Variants in GRIK1 observed in about 807,000 individuals in gnomAD.
GRIK1 encodes glutamate receptor ionotropic, kainate 1.
A neutral mutation model predicts 105.7 loss-of-function variants in GRIK1; 69 were observed. The observed-to-expected ratio is 0.65, with a 90% CI of 0.54 to 0.80. The LOEUF (loss-of-function observed/expected upper bound fraction) is 0.80. Ranked by LOEUF, GRIK1 falls within the 30% of genes least tolerant of loss-of-function variation. The probability of loss-of-function intolerance (pLI) is 0.00; values close to 1 mark genes in which losing one functional copy is unlikely to be tolerated. For synonymous variants in GRIK1, 438 were observed against 431.3 expected (o/e 1.02, Z -0.19); for missense variants, 1,109 against 1,167.3 (o/e 0.95, Z 0.73).
At chr21:29,579,613 G>C (rs895293135) in intron 13 of GRIK1, among the ~76,000 whole-genome samples, 6 of 152,122 alleles carry the variant, frequency 3.9e-5, no homozygotes, top group African/African-American at 1.4e-4. Context: ...AGCAACAGAG[G>C]ATAACTACCT....
intron 7 of GRIK1, among the ~76,000 whole-genome samples, chr21:29,628,984 A>G (rs1002312260): frequency 6.6e-6 from 1 of 152,238 alleles, no homozygotes; most frequent in African/African-American, 2.4e-5. Flanking sequence ...ATATTTATTT[A>G]TTTAGTCACC....
chr21:29,714,172 C>G (rs780309540), intron 1 of GRIK1, among the ~76,000 whole-genome samples: 2 of 151,684 alleles, frequency 1.3e-5, no homozygotes, highest in Non-Finnish European at 2.9e-5. Context: ...AATTTTTGCT[C>G]TATTATATTT....
At chr21:29,566,778 C>A (rs2090620714) in intron 14 of GRIK1, among the ~76,000 whole-genome samples, 1 of 152,114 alleles carries the variant, frequency 6.6e-6, no homozygotes, top group Admixed American at 6.5e-5. Context: ...ATTATTATTT[C>A]TCTTTTATAG....
At chr21:29,795,677 C>T (rs1157224740) in intron 1 of GRIK1, among the ~76,000 whole-genome samples, 1 of 152,210 alleles carries the variant, frequency 6.6e-6, no homozygotes, top group Non-Finnish European at 1.5e-5. Context: ...CCCGAATACT[C>T]TTTATCCATG....
rs139016504 is a variant in GRIK1, at chr21:29,650,042, T to C, written c.954+1076A>G. Among the ~76,000 whole-genome samples the C allele has an allele frequency of 2.2e-3, 336 of 152,330 alleles. 2 individuals carry two copies. The highest frequency in any genetic ancestry group is 7.6e-3 in the African/African-American group (314 of 41,560). Reference sequence around the variant, plus strand: ...CTCTACTTGCTCCTATTCAAAGAAATGTTTCAAATCATCCCAGGGCTCATT... The same window carrying C: ...CTCTACTTGCTCCTATTCAAAGAAACGTTTCAAATCATCCCAGGGCTCATT... On this transcript the variant is annotated intron_variant, in intron 6 of 17. Transcript: ENST00000327783.
In GRIK1 at chr21:29,939,733, C is replaced by T. The variant is rs940646686; in HGVS notation, c.-233G>A. The stretch of plus-strand genomic sequence containing the variant: ...CTGTCGCTAGCCCATCACGGCTCCT[C>T]CTCCTCCTCTTCCATGGGCCGCAGA... On this transcript the variant is annotated 5_prime_UTR_variant, in exon 1 of 18. Transcript: ENST00000327783. The T allele has an allele frequency of 2.5e-6, 1 of 400,610 alleles. No homozygotes were observed. The highest frequency in any genetic ancestry group is 4.4e-6 in the Non-Finnish European group (1 of 226,526). 24.8% of individuals were successfully genotyped at this position (400,610 alleles called of 1,614,324 possible).
At chr21:29,631,984 G>GA (rs35815638) in intron 7 of GRIK1, among the ~76,000 whole-genome samples, 29,171 of 147,720 alleles carry the variant, frequency 0.2, 2,858 homozygotes, top group East Asian at 0.36. Flanking sequence ...GAATGTGCAG[G>GA]AAAAAAAAAA....
intron 7 of GRIK1, among the ~76,000 whole-genome samples, chr21:29,631,029 A>T (rs1262582906): frequency 1.3e-5 from 2 of 151,966 alleles, no homozygotes; most frequent in Non-Finnish European, 2.9e-5. Context: ...GCTGGTCTAG[A>T]ACTCCTGAAC....
At chr21:29,777,089 G>A (rs78076439) in intron 1 of GRIK1, among the ~76,000 whole-genome samples, 4,766 of 152,176 alleles carry the variant, frequency 0.031, 117 homozygotes, top group South Asian at 0.065. Context: ...TAAGTAACAA[G>A]AATCCAATTC....
chr21:29,884,553 A>G (rs1051200396), intron 1 of GRIK1, among the ~76,000 whole-genome samples: 3 of 152,046 alleles, frequency 2.0e-5, no homozygotes, highest in African/African-American at 4.8e-5. Context: ...TCAGTTTGCC[A>G]TTTGATGACG....
chr21:29,677,833 C>G (rs1194465345), intron 3 of GRIK1, among the ~76,000 whole-genome samples: 1 of 152,140 alleles, frequency 6.6e-6, no homozygotes, highest in Non-Finnish European at 1.5e-5. Flanking sequence ...TCACAAATAG[C>G]AGGAATTGGA....
intron 1 of GRIK1, among the ~76,000 whole-genome samples, chr21:29,898,050 G>A (rs1455112926): frequency 6.6e-6 from 1 of 152,116 alleles, no homozygotes; most frequent in Non-Finnish European, 1.5e-5. Flanking sequence ...CATGTCTTTA[G>A]CTTCTTCGCC....
At chr21:29,676,613 C>A (rs916557637) in intron 3 of GRIK1, among the ~76,000 whole-genome samples, 6 of 152,220 alleles carry the variant, frequency 3.9e-5, no homozygotes, top group East Asian at 3.9e-4. Context: ...AGTGACCCAA[C>A]CCTGCCAGAA....
chr21:29,845,475 CT>C (rs1413760641), intron 1 of GRIK1, among the ~76,000 whole-genome samples: 1 of 151,948 alleles, frequency 6.6e-6, no homozygotes, highest in African/African-American at 2.4e-5. Context: ...TCAAATGTGG[CT>C]TTCTTTCTCT....
At chr21:29,706,713 C>T (rs1162687037) in intron 1 of GRIK1, among the ~76,000 whole-genome samples, 2 of 152,188 alleles carry the variant, frequency 1.3e-5, no homozygotes, top group Non-Finnish European at 2.9e-5. Flanking sequence ...CATCATATCA[C>T]AGAGGGATCT....
At chr21:29,901,560 T>C (rs1463373266) in intron 1 of GRIK1, among the ~76,000 whole-genome samples, 1 of 152,040 alleles carries the variant, frequency 6.6e-6, no homozygotes, top group African/African-American at 2.4e-5. Flanking sequence ...GTGGATAAAT[T>C]CCTGGACACA....
chr21:29,847,444 A>C (rs1037044358), intron 1 of GRIK1, among the ~76,000 whole-genome samples: 83 of 152,224 alleles, frequency 5.5e-4, no homozygotes, highest in African/African-American at 2.0e-3. Flanking sequence ...AAAATACAAA[A>C]ATTAGCTGGG....
At chr21:29,781,654 T>C (rs13049325) in intron 1 of GRIK1, among the ~76,000 whole-genome samples, 2 of 123,644 alleles carry the variant, frequency 1.6e-5, no homozygotes, top group East Asian at 2.4e-4. Context: ...TAACCTACTG[T>C]TTCTTTTTTT....
chr21:29,781,600 AT>A (rs374262938), intron 1 of GRIK1, among the ~76,000 whole-genome samples: 1,432 of 103,896 alleles, frequency 0.014, 24 homozygotes, highest in African/African-American at 0.036. Context: ...TATCTTTCTG[AT>A]TTTTTTTTTT....
Sources: gnomAD v4.1 joint callset for allele counts (sites outside exome capture counted in the v4.1 genomes callset) on GRCh38, gnomAD v4.1.1 for gene constraint, MANE v1.5 for transcripts, NCBI Gene and HGNC (gene_info 2026-07-23, HGNC 2026-07-21) for gene names.